The following ALCAM variants were observed in gnomAD, a reference collection of about 807,000 sequenced individuals.
ALCAM encodes activated leukocyte cell adhesion molecule, also known as CD166 antigen.
In ALCAM, 30 loss-of-function variants were observed where a neutral mutation model predicts 70.9. The observed-to-expected ratio is 0.42, with a 90% CI of 0.32 to 0.57. The LOEUF is 0.57. ALCAM is among the 20% of genes least tolerant of loss of function. The pLI is 0.11. For missense variants in ALCAM, 591 were observed against 695.1 expected, an observed-to-expected ratio of 0.85 and a Z score of 1.68; for synonymous variants, 249 against 242.5, an observed-to-expected ratio of 1.03 and a Z score of -0.25.
At position 105,420,148 on chromosome 3, in the gene ALCAM, A is replaced by G. The variant is rs141057575; in HGVS notation, c.73+52667A>G. On this transcript the variant is annotated intron_variant, in intron 1 of 15. Coordinates refer to ENST00000306107, the MANE Select transcript of ALCAM (RefSeq NM_001627.4). ...ATTTTTTTCTAAAAGGTAGTATTTC[A>G]ATTTTACCATAGAGAGATGGTTGCC... Among the ~76,000 whole-genome samples the G allele has an allele frequency of 3.6e-3, 540 of 151,882 alleles. 4 individuals are homozygous for G. Among genetic ancestry groups the G allele is most frequent in the African/African-American group, 0.012 (510 of 41,526 alleles).
At chr3:105,418,208 T>C (rs1209868013) in intron 1 of ALCAM, among the ~76,000 whole-genome samples, 3 of 151,858 alleles carry the variant, frequency 2.0e-5, no homozygotes, top group Admixed American at 1.3e-4. Flanking sequence ...TCTTACTTGA[T>C]ATGTAAAGGA....
At chr3:105,439,903 A>G (rs1937134392) in intron 1 of ALCAM, among the ~76,000 whole-genome samples, 1 of 152,192 alleles carries the variant, frequency 6.6e-6, no homozygotes, top group South Asian at 2.1e-4. Context: ...ACTGTTGTTG[A>G]TATTTGGCTA....
chr3:105,558,978 G>A (rs932386500), intron 14 of ALCAM, among the ~76,000 whole-genome samples: 2 of 151,884 alleles, frequency 1.3e-5, no homozygotes, highest in Admixed American at 6.6e-5. Context: ...AGACCCCAAG[G>A]CCAAGACCCC....
chr3:105,538,272 A>G (rs969014763), intron 6 of ALCAM, among the ~76,000 whole-genome samples: 4 of 152,086 alleles, frequency 2.6e-5, no homozygotes, highest in African/African-American at 9.7e-5. Flanking sequence ...AATCAGACCC[A>G]AAATATATTG....
Position 105,552,932 on chromosome 3 carries a change from A to G in ALCAM, c.1664+347A>G, listed in dbSNP as rs1940444749. ...GGTTGAAGTTGGAGAAGATTCATTA[A>G]AAGTACCTAGTACATCTTGTAGGGA... On this transcript the variant is annotated intron_variant, in intron 14 of 15. Transcript: ENST00000306107. 5 of 1,081,706 alleles carry G rather than the reference A, an allele frequency of 4.6e-6. No homozygotes were observed. The South Asian group carries it at 1.1e-4, about 24-fold the overall frequency. 67.0% of individuals were successfully genotyped at this position (1,081,706 alleles called of 1,614,324 possible).
At chr3:105,572,805 C>G (rs1940885339) in intron 15 of ALCAM, among the ~76,000 whole-genome samples, 1 of 152,118 alleles carries the variant, frequency 6.6e-6, no homozygotes, top group South Asian at 2.1e-4. Context: ...AGAATGGAAA[C>G]TTACCAGTTT....
At chr3:105,413,874 ATTAG>A (rs766804464) in intron 1 of ALCAM, among the ~76,000 whole-genome samples, 2 of 152,138 alleles carry the variant, frequency 1.3e-5, no homozygotes, top group Admixed American at 6.6e-5. Flanking sequence ...AGAATAAATA[ATTAG>A]TTAGGCCTAA....
intron 1 of ALCAM, among the ~76,000 whole-genome samples, chr3:105,498,737 C>A (rs1172638128): frequency 1.3e-5 from 2 of 152,044 alleles, no homozygotes; most frequent in Admixed American, 1.3e-4. Context: ...CCTTCAGGGG[C>A]ACATGGTGAT....
At chr3:105,532,103 A>G in intron 4 of ALCAM, 37 bp downstream of exon 4, 2 of 1,521,744 alleles carry the variant, frequency 1.3e-6, no homozygotes, top group Non-Finnish European at 1.8e-6. Flanking sequence ...TTATTTAGCC[A>G]GTGTTGTAAG....
At chr3:105,398,240 T>G (rs1936002432) in intron 1 of ALCAM, among the ~76,000 whole-genome samples, 1 of 152,046 alleles carries the variant, frequency 6.6e-6, no homozygotes, top group African/African-American at 2.4e-5. Flanking sequence ...TACCAAAACT[T>G]CAATTAGCCT....
intron 1 of ALCAM, among the ~76,000 whole-genome samples, chr3:105,410,292 T>C (rs1936353830): frequency 6.6e-6 from 1 of 152,058 alleles, no homozygotes; most frequent in Non-Finnish European, 1.5e-5. Context: ...CTAGGCCACC[T>C]TAATAACCAC....
chr3:105,513,875 A>G (rs999631178), intron 1 of ALCAM, among the ~76,000 whole-genome samples: 59 of 152,026 alleles, frequency 3.9e-4, no homozygotes, highest in Admixed American at 1.7e-3. Context: ...CAGTCTTAGG[A>G]CATGTTCCTT....
intron 1 of ALCAM, among the ~76,000 whole-genome samples, chr3:105,516,282 G>T (rs532575764): frequency 6.6e-6 from 1 of 151,890 alleles, no homozygotes; most frequent in South Asian, 2.1e-4. Flanking sequence ...AAAAGCATTT[G>T]TCACCAAAAT....
Position 105,550,235 on chromosome 3 carries a change from G to C in ALCAM, c.1483G>C (p.Val495Leu). The change falls in exon 12 of 16, where the codon GTA becomes CTA. Residue 495 changes from valine (V) to leucine (L), a missense_variant. By Grantham distance (32) the Val-to-Leu change is conservative. Transcript: ENST00000306107. ...CTAENQLERT[V>L]NSLNVSAISI... ...AGCAGAAAACCAACTGGAGAGAACA[G>C]TAAACTCCTTGAATGTCTCTGCTAG... The C allele has an allele frequency of 6.2e-7, 1 of 1,606,912 alleles. No homozygotes were observed. The highest frequency in any genetic ancestry group is 8.5e-7 in the Non-Finnish European group (1 of 1,175,894).
chr3:105,411,423 A>G (rs573892603), intron 1 of ALCAM, among the ~76,000 whole-genome samples: 1 of 152,190 alleles, frequency 6.6e-6, no homozygotes, highest in South Asian at 2.1e-4. Context: ...TAGCAGTGAT[A>G]GTAGCAGTGG....
chr3:105,436,809 G>A (rs1351630655), intron 1 of ALCAM, among the ~76,000 whole-genome samples: 1 of 152,072 alleles, frequency 6.6e-6, no homozygotes, highest in African/African-American at 2.4e-5. Context: ...CAACTTTCCT[G>A]AACTGCATAA....
At position 105,458,078 on chromosome 3, in the gene ALCAM, A is replaced by AG. The variant is rs200009432; in HGVS notation, c.74-61985dup. Among the ~76,000 whole-genome samples, 311 of 101,274 alleles carry AG rather than the reference A, an allele frequency of 3.1e-3. 1 individual carries two copies. The highest frequency in any genetic ancestry group is 4.8e-3 in the Non-Finnish European group (238 of 49,972). The allele number at this position is 101,274 out of a possible 152,430, so 66.4% of individuals were successfully genotyped here. Reference sequence around the variant, plus strand: ...GCTTTTCCTACTGTACACACACTTCAGGGGAAAAAAAAAAAACCAGCTTTA... The same window carrying AG: ...GCTTTTCCTACTGTACACACACTTCAGGGGGAAAAAAAAAAAACCAGCTTTA... On this transcript the variant is annotated intron_variant, in intron 1 of 15. Transcript: ENST00000306107.
chr3:105,436,615 G>A (rs754170244), intron 1 of ALCAM, among the ~76,000 whole-genome samples: 1 of 152,128 alleles, frequency 6.6e-6, no homozygotes, highest in Non-Finnish European at 1.5e-5. Context: ...GCATGAGCCT[G>A]TATTTAATTT....
intron 1 of ALCAM, among the ~76,000 whole-genome samples, chr3:105,425,843 T>A (rs982095058): frequency 4.0e-5 from 6 of 151,642 alleles, no homozygotes; most frequent in African/African-American, 1.5e-4. Flanking sequence ...GGCAAAATAT[T>A]TTTTCAAAAC....
Sources: gnomAD v4.1 joint callset for allele counts (sites outside exome capture counted in the v4.1 genomes callset) on GRCh38, gnomAD v4.1.1 for gene constraint, MANE v1.5 for transcripts, NCBI Gene and HGNC (gene_info 2026-07-23, HGNC 2026-07-21) for gene names.